Variants in MARK1 observed in about 807,000 individuals in gnomAD.
MARK1 encodes serine/threonine-protein kinase MARK1.
A neutral mutation model predicts 96.3 loss-of-function variants in MARK1; 40 were observed. The ratio of observed to expected loss-of-function variants is 0.42; its 90% confidence interval spans 0.32 to 0.54. The LOEUF (loss-of-function observed/expected upper bound fraction) is 0.54, where lower values mean the gene tolerates loss of function less well. MARK1 is among the 20% of genes least tolerant of loss of function. The probability of loss-of-function intolerance (pLI) is 0.16; values close to 1 mark genes in which losing one functional copy is unlikely to be tolerated. For missense variants in MARK1, 719 were observed against 984.6 expected (o/e 0.73, Z 3.61); for synonymous variants, 317 against 341.2 (o/e 0.93, Z 0.78).
chr1:220,534,447 C>G (rs1660543030), intron 1 of MARK1, among the ~76,000 whole-genome samples: 1 of 152,062 alleles, frequency 6.6e-6, no homozygotes, highest in Non-Finnish European at 1.5e-5. Flanking sequence ...CCCCTTCCTA[C>G]TAACCCTTTC....
At chr1:220,534,217 G>A (rs570906974) in intron 1 of MARK1, among the ~76,000 whole-genome samples, 50 of 151,770 alleles carry the variant, frequency 3.3e-4, no homozygotes, top group Non-Finnish European at 6.3e-4. Flanking sequence ...GGGTATATGT[G>A]TTAATTTGAT....
intron 11 of MARK1, among the ~76,000 whole-genome samples, chr1:220,633,903 A>T (rs1374778438): frequency 6.6e-6 from 1 of 152,190 alleles, no homozygotes; most frequent in East Asian, 1.9e-4. Flanking sequence ...AAAGATCTGA[A>T]TTGGAGGGAG....
Position 220,528,888 on chromosome 1 carries a change from C to T in MARK1, c.51+15C>T, listed in dbSNP as rs1366412686. On this transcript the variant is annotated intron_variant, in intron 1 of 17. Transcript: ENST00000366917. The stretch of plus-strand genomic sequence containing the variant: ...ACACGGAAAATGTGAGTAACCGGAG[C>T]CTCCCTCGGGAGCAGTGGGGGCGAG... 16 of 1,560,686 alleles carry T rather than the reference C, an allele frequency of 1.0e-5. No homozygotes were observed. The highest frequency in any genetic ancestry group is 1.2e-5 in the Non-Finnish European group (14 of 1,152,326).
chr1:220,576,130 C>T (rs1034800910), intron 1 of MARK1, among the ~76,000 whole-genome samples: 2 of 145,258 alleles, frequency 1.4e-5, no homozygotes, highest in Non-Finnish European at 3.0e-5. Context: ...TTTAAAATAA[C>T]GATAGCATTG....
intron 3 of MARK1, among the ~76,000 whole-genome samples, chr1:220,590,846 A>G (rs1664937363): frequency 1.3e-5 from 2 of 152,132 alleles, no homozygotes; most frequent in South Asian, 4.1e-4. Context: ...TCCTTGTCCA[A>G]AGCTGCTGAA....
Position 220,618,776 on chromosome 1 carries a change from C to A in MARK1, c.909+21C>A. ...TGGAAGTAAGTAAATTTTTGTACTC[C>A]AAATTTAAATTTTAACAATTAAAAT... On this transcript the variant is annotated intron_variant, in intron 9 of 17. Transcript: ENST00000366917. The surrounding 1 kb of genome is among the most constrained non-coding windows in gnomAD (Gnocchi z 4.6). The A allele has an allele frequency of 6.5e-7, 1 of 1,544,272 alleles. No homozygotes were observed. The highest frequency in any genetic ancestry group is 1.2e-5 in the South Asian group (1 of 81,340).
chr1:220,535,564 T>TA (rs1268544424), intron 1 of MARK1, among the ~76,000 whole-genome samples: 1 of 152,148 alleles, frequency 6.6e-6, no homozygotes, highest in Non-Finnish European at 1.5e-5. Flanking sequence ...GTGCTTTTGA[T>TA]ATCATATACA....
intron 9 of MARK1, among the ~76,000 whole-genome samples, chr1:220,619,701 AT>A (rs1158565918): frequency 6.6e-6 from 1 of 151,680 alleles, no homozygotes; most frequent in Non-Finnish European, 1.5e-5. Flanking sequence ...AATGTCTACT[AT>A]TTTTTTTCTT....
chr1:220,571,163 T>C (rs1486103563), intron 1 of MARK1, among the ~76,000 whole-genome samples: 2 of 152,310 alleles, frequency 1.3e-5, no homozygotes, highest in East Asian at 1.9e-4. Context: ...TATTGGCCAG[T>C]TTGCAGAAGG....
intron 6 of MARK1, among the ~76,000 whole-genome samples, chr1:220,615,609 A>C (rs961538895): frequency 1.3e-5 from 2 of 152,156 alleles, no homozygotes; most frequent in African/African-American, 4.8e-5. Context: ...TCAACACTAT[A>C]ATAAACCATT....
intron 1 of MARK1, among the ~76,000 whole-genome samples, chr1:220,547,217 C>G (rs1393135845): frequency 6.6e-6 from 1 of 152,186 alleles, no homozygotes; most frequent in East Asian, 1.9e-4. Context: ...TCTGGCCACT[C>G]TAGATTCTTT....
chr1:220,576,004 T>TCTCCTTCCTTCCTTC (rs1663808316), intron 1 of MARK1, among the ~76,000 whole-genome samples: 3 of 2,512 alleles, frequency 1.2e-3, no homozygotes, highest in Non-Finnish European at 2.3e-3. Context: ...TTTTTTCTTC[T>TCTCCTTCCTTCCTTC]CTCCCTCCCT....
intron 9 of MARK1, chr1:220,628,167 G>A (rs1667455179): frequency 6.6e-6 from 1 of 152,148 alleles, no homozygotes; most frequent in South Asian, 2.1e-4. Flanking sequence ...TTCCTTCTCA[G>A]TATCTCACCC....
intron 7 of MARK1, among the ~76,000 whole-genome samples, chr1:220,616,943 T>TAG (rs1214494854): frequency 6.6e-6 from 1 of 152,160 alleles, no homozygotes; most frequent in Non-Finnish European, 1.5e-5. Context: ...TCCAGTCCAA[T>TAG]AGAGAGAGTT....
At chr1:220,555,125 C>G (rs1662157441) in intron 1 of MARK1, among the ~76,000 whole-genome samples, 1 of 152,128 alleles carries the variant, frequency 6.6e-6, no homozygotes, top group Non-Finnish European at 1.5e-5. Context: ...GTGAACTGGA[C>G]CCAGTCCAAA....
intron 3 of MARK1, among the ~76,000 whole-genome samples, chr1:220,591,769 G>T (rs988057739): frequency 1.3e-5 from 2 of 151,894 alleles, no homozygotes; most frequent in African/African-American, 4.8e-5. Context: ...TTTGAGTTTG[G>T]TTCTGCCAAT....
intron 13 of MARK1, among the ~76,000 whole-genome samples, chr1:220,643,284 C>A (rs529376992): frequency 6.6e-6 from 1 of 152,136 alleles, no homozygotes; most frequent in East Asian, 1.9e-4. Flanking sequence ...AAAAACACAG[C>A]ACGATGCAAA....
chr1:220,613,856 C>T (rs1464129678), intron 6 of MARK1, among the ~76,000 whole-genome samples: 1 of 152,110 alleles, frequency 6.6e-6, no homozygotes, highest in Non-Finnish European at 1.5e-5. Flanking sequence ...CAGTACCTGC[C>T]TAGTTTTGAA....
Position 220,528,588 on chromosome 1 carries a change from G to C in MARK1, c.-235G>C, listed in dbSNP as rs1660074505. On this transcript the variant is annotated 5_prime_UTR_variant, in exon 1 of 18. Transcript: ENST00000366917. ...ACCGCCTCGCCCGAAGCCCTCCCTCGTTACTGTCCGCATACCCCGGCGGCG... is the reference window on the plus strand; with the variant it reads ...ACCGCCTCGCCCGAAGCCCTCCCTCCTTACTGTCCGCATACCCCGGCGGCG... 3 of 476,448 alleles carry C rather than the reference G, an allele frequency of 6.3e-6. No homozygotes were observed. The East Asian group carries it at 1.1e-4, about 18-fold the overall frequency. The allele number at this position is 476,448 out of a possible 1,614,324, so 29.5% of individuals were successfully genotyped here. A position where few individuals can be genotyped will look rare whatever the true frequency, so the allele number is the denominator to read the frequency against.
Sources: allele counts gnomAD v4.1 joint callset (sites outside exome capture counted in the v4.1 genomes callset), GRCh38; gene constraint gnomAD v4.1.1; non-coding constraint Gnocchi (gnomAD v3.1); transcripts MANE v1.5; gene names NCBI Gene and HGNC (gene_info 2026-07-23, HGNC 2026-07-21).